The following FRAS1 variants were observed in gnomAD, a reference collection of about 807,000 sequenced individuals.
FRAS1 encodes the protein extracellular matrix organizing protein FRAS1.
A neutral mutation model predicts 435.2 loss-of-function variants in FRAS1; 290 were observed. The observed-to-expected ratio is 0.67, with a 90% CI of 0.61 to 0.73. The LOEUF is 0.73. Ranked by LOEUF, FRAS1 falls within the 30% of genes least tolerant of loss-of-function variation. The probability of loss-of-function intolerance (pLI) is 0.00; values close to 1 mark genes in which losing one functional copy is unlikely to be tolerated. For missense variants in FRAS1, 4,860 were observed against 5,001.5 expected (o/e 0.97, Z 0.85); for synonymous variants, 1,800 against 1,851.0 (o/e 0.97, Z 0.71).
intron 2 of FRAS1, among the ~76,000 whole-genome samples, chr4:78,077,879 A>T (rs1246544826): frequency 1.3e-5 from 2 of 151,432 alleles, no homozygotes; most frequent in African/African-American, 2.4e-5. Context: ...TTTATTTATT[A>T]TACTGAAAGC....
intron 29 of FRAS1, 37 bp from the exon 30 acceptor site, chr4:78,400,697 T>G (rs1314822266): frequency 4.4e-6 from 7 of 1,595,704 alleles, no homozygotes; most frequent in Non-Finnish European, 6.0e-6. Context: ...ATTCTTACTT[T>G]GCTTGGAACT....
intron 2 of FRAS1, among the ~76,000 whole-genome samples, chr4:78,228,883 C>T (rs1038957443): frequency 1.2e-4 from 18 of 152,176 alleles, no homozygotes; most frequent in African/African-American, 4.1e-4. Flanking sequence ...CTGATTGAGT[C>T]CAATCTTATC....
intron 2 of FRAS1, among the ~76,000 whole-genome samples, chr4:78,117,263 C>A (rs534251238): frequency 6.6e-6 from 1 of 152,198 alleles, no homozygotes; most frequent in African/African-American, 2.4e-5. Context: ...CTGCCCTTAA[C>A]ATTTTTTCCT....
At chr4:78,522,564 A>G in intron 68 of FRAS1, 85 bp from the exon 69 acceptor site, 1 of 1,178,496 alleles carries the variant, frequency 8.5e-7, no homozygotes, top group Non-Finnish European at 1.2e-6. Flanking sequence ...TTCAGTTCTC[A>G]GGCTTTTGTG....
intron 4 of FRAS1, among the ~76,000 whole-genome samples, chr4:78,251,533 A>T (rs984241674): frequency 6.6e-6 from 1 of 152,118 alleles, no homozygotes; most frequent in African/African-American, 2.4e-5. Context: ...GAACTTGTTC[A>T]TCTTATAGCT....
At chr4:78,085,124 T>C (rs1200166766) in intron 2 of FRAS1, among the ~76,000 whole-genome samples, 1 of 152,110 alleles carries the variant, frequency 6.6e-6, no homozygotes, top group East Asian at 1.9e-4. Context: ...ATGTCTTTTG[T>C]CTAAGGATAG....
At chr4:78,449,621 C>T (rs998899023) in intron 44 of FRAS1, among the ~76,000 whole-genome samples, 3 of 152,152 alleles carry the variant, frequency 2.0e-5, no homozygotes, top group South Asian at 2.1e-4. Context: ...CCAACACCTG[C>T]GCAGTGTCCA....
At chr4:78,397,930 G>A (rs61339663) in intron 29 of FRAS1, among the ~76,000 whole-genome samples, 36,686 of 151,810 alleles carry the variant, frequency 0.24, 4,815 homozygotes, top group Admixed American at 0.31. Context: ...ATGAAACTGT[G>A]TTTCTTACCC....
At chr4:78,112,799 T>A (rs190459135) in intron 2 of FRAS1, among the ~76,000 whole-genome samples, 37 of 140,182 alleles carry the variant, frequency 2.6e-4, no homozygotes, top group African/African-American at 9.3e-4. Flanking sequence ...TTTATTTTTT[T>A]AAATTTTTAC....
intron 2 of FRAS1, among the ~76,000 whole-genome samples, chr4:78,171,090 G>A (rs1312836429): frequency 1.3e-5 from 2 of 152,018 alleles, no homozygotes; most frequent in Admixed American, 1.3e-4. Context: ...TACCTATGAG[G>A]TAGCTTGTCT....
intron 2 of FRAS1, among the ~76,000 whole-genome samples, chr4:78,173,397 G>A (rs538621203): frequency 3.2e-4 from 48 of 152,290 alleles, no homozygotes; most frequent in East Asian, 3.1e-3. Flanking sequence ...TCCCTCCCTA[G>A]GGTGCTATGG....
At chr4:78,148,033 A>G (rs1283271070) in intron 2 of FRAS1, among the ~76,000 whole-genome samples, 1 of 152,196 alleles carries the variant, frequency 6.6e-6, no homozygotes, top group Non-Finnish European at 1.5e-5. Context: ...GTTGTCTGGA[A>G]TAGTATGTGA....
chr4:78,234,485 A>G (rs1724660129), intron 2 of FRAS1, among the ~76,000 whole-genome samples: 1 of 152,140 alleles, frequency 6.6e-6, no homozygotes, highest in Admixed American at 6.5e-5. Context: ...TCGGCCCCCG[A>G]AAGTGCTGGG....
intron 51 of FRAS1, among the ~76,000 whole-genome samples, chr4:78,471,814 C>T (rs1719717146): frequency 6.6e-6 from 1 of 152,192 alleles, no homozygotes; most frequent in Admixed American, 6.5e-5. Context: ...TTCCAACTTT[C>T]TTTCAAGGCC....
At chr4:78,519,254 G>A (rs1560423570) in intron 66 of FRAS1, 77 bp from the exon 67 acceptor site, 2 of 1,309,120 alleles carry the variant, frequency 1.5e-6, no homozygotes, top group Non-Finnish European at 2.0e-6. Context: ...AATGAAAATG[G>A]AACCAAGATG....
Position 78,077,220 on chromosome 4 carries a change from A to G in FRAS1, c.108+11204A>G, listed in dbSNP as rs78958386. 3.4e-5 allele frequency among the ~76,000 whole-genome samples: 5 copies of G among 145,502 alleles called. No homozygotes were observed. The East Asian group carries it at 6.3e-4, about 18-fold the overall frequency. ...GAAACACACACACACACACACACAC[A>G]TTAGCTGAGTGTGGTGGCATGTGCC... On this transcript the variant is annotated intron_variant, in intron 2 of 73. Transcript: ENST00000512123.
intron 20 of FRAS1, among the ~76,000 whole-genome samples, chr4:78,347,088 A>C (rs1275870690): frequency 3.3e-5 from 5 of 151,430 alleles, no homozygotes; most frequent in Admixed American, 3.3e-4. Context: ...TGCAAAGAAA[A>C]CCCTTCATCT....
chr4:78,221,951 TGG>T (rs1724071142), intron 2 of FRAS1, among the ~76,000 whole-genome samples: 2 of 152,182 alleles, frequency 1.3e-5, no homozygotes, highest in African/African-American at 4.8e-5. Context: ...TCAACCGTAC[TGG>T]AAGTCTCAGG....
chr4:78,539,585 CT>C (rs1721987752), intron 73 of FRAS1, 145 bp downstream of exon 73: 1 of 829,166 alleles, frequency 1.2e-6, no homozygotes, highest in Non-Finnish European at 1.9e-6. Context: ...TATTGTTAAG[CT>C]TATCACCCAC....
Sources: allele counts gnomAD v4.1 joint callset (sites outside exome capture counted in the v4.1 genomes callset), GRCh38; gene constraint gnomAD v4.1.1; transcripts MANE v1.5; gene names NCBI Gene and HGNC (gene_info 2026-07-23, HGNC 2026-07-21).